The following CNST variants were observed in gnomAD, a reference collection of about 807,000 sequenced individuals.
CNST encodes the protein consortin, connexin sorting protein, also known as consortin.
In CNST, 39 loss-of-function variants were observed where a neutral mutation model predicts 72.4. That is an observed-to-expected ratio of 0.54 (90% CI 0.42 to 0.70). The LOEUF is 0.70. Among genes scored for constraint, CNST ranks in the 30% least tolerant of loss-of-function variants. CNST has a pLI of 0.00. For synonymous variants in CNST, 332 were observed against 320.1 expected (o/e 1.04, Z -0.40); for missense variants, 871 against 868.5 (o/e 1.00, Z -0.04).
intron 2 of CNST, among the ~76,000 whole-genome samples, chr1:246,615,245 G>A (rs1242203017): frequency 2.0e-5 from 3 of 152,060 alleles, no homozygotes; most frequent in Non-Finnish European, 4.4e-5. Flanking sequence ...GCGCGATCTC[G>A]GCTCACTGCA....
In CNST at chr1:246,665,954, A is replaced by G; in HGVS notation, c.*49A>G. 5 of 1,316,032 alleles carry G rather than the reference A, an allele frequency of 3.8e-6. No individual in the cohort carries two copies. The highest frequency in any genetic ancestry group is 5.4e-6 in the Non-Finnish European group (5 of 925,108). 81.5% of individuals were successfully genotyped at this position (1,316,032 alleles called of 1,614,324 possible). ...TGGCAGTGAGAGTGAAAGGCGGGAG[A>G]CTTTCTAAACAGTTTTTCTTTCAGG... On this transcript the variant is annotated 3_prime_UTR_variant, in exon 11 of 11. Transcript: ENST00000366513.
intron 2 of CNST, among the ~76,000 whole-genome samples, chr1:246,619,081 A>T (rs578073856): frequency 6.6e-6 from 1 of 152,092 alleles, no homozygotes; most frequent in East Asian, 1.9e-4. Context: ...GAAGAATAGA[A>T]TTTGGGAAGC....
intron 2 of CNST, among the ~76,000 whole-genome samples, chr1:246,602,155 G>C (rs1167165666): frequency 2.0e-5 from 3 of 152,170 alleles, no homozygotes; most frequent in Non-Finnish European, 2.9e-5. Flanking sequence ...TGTTACAATT[G>C]AAAGTACAAA....
chr1:246,610,504 C>A (rs1445811326), intron 2 of CNST, among the ~76,000 whole-genome samples: 1 of 152,136 alleles, frequency 6.6e-6, no homozygotes, highest in East Asian at 1.9e-4. Context: ...CAGAATGGGC[C>A]ACACTGTACT....
At position 246,622,575 on chromosome 1, in the gene CNST, G is replaced by T. The variant is rs540297900; in HGVS notation, c.585+941G>T. On this transcript the variant is annotated intron_variant, in intron 3 of 10. Coordinates refer to ENST00000366513, the MANE Select transcript of CNST (RefSeq NM_152609.3). The stretch of plus-strand genomic sequence containing the variant: ...TTAAAAGAGGAGGTGAGATTGAATA[G>T]CTGGTGACATTGAGACTTTATTTTT... 2.6e-5 allele frequency among the ~76,000 whole-genome samples: 4 copies of T among 152,290 alleles called. No homozygotes were observed. The East Asian group carries it at 7.7e-4, about 29-fold the overall frequency.
chr1:246,576,686 A>G lies in CNST; in HGVS notation c.-52+10023A>G, dbSNP rs140140050. ...TTTTTGTATTTTTAATAGAGACGGG[A>G]TTTTTCCATATTGGCCAGGTTGGTC... On this transcript the variant is annotated intron_variant, in intron 1 of 10. Transcript: ENST00000366513. Among the ~76,000 whole-genome samples, 73 of 151,398 alleles carry G rather than the reference A, an allele frequency of 4.8e-4. 1 individual carries two copies. Among genetic ancestry groups the G allele is most frequent in the African/African-American group, 1.7e-3 (70 of 41,090 alleles).
chr1:246,616,067 T>A (rs1663668685), intron 2 of CNST, among the ~76,000 whole-genome samples: 1 of 152,188 alleles, frequency 6.6e-6, no homozygotes, highest in African/African-American at 2.4e-5. Flanking sequence ...TATAGGTCAC[T>A]TGGCTTTCAC....
intron 2 of CNST, among the ~76,000 whole-genome samples, chr1:246,620,681 G>T: frequency 7.2e-6 from 1 of 139,472 alleles, no homozygotes; most frequent in Non-Finnish European, 1.6e-5. Flanking sequence ...TGGGCTCTGG[G>T]AACACTACAG....
intron 1 of CNST, among the ~76,000 whole-genome samples, chr1:246,582,438 T>C (rs1415059035): frequency 6.6e-6 from 1 of 151,172 alleles, no homozygotes; most frequent in East Asian, 1.9e-4. Context: ...AACCTCCGCC[T>C]CCCAGGTTCA....
chr1:246,591,051 G>A (rs1229321049), intron 1 of CNST, among the ~76,000 whole-genome samples: 3 of 151,756 alleles, frequency 2.0e-5, no homozygotes, highest in Non-Finnish European at 4.4e-5. Context: ...AAATATTGCT[G>A]CTGTTTAGCC....
chr1:246,627,997 A>G (rs1664549388), intron 3 of CNST, among the ~76,000 whole-genome samples: 1 of 151,774 alleles, frequency 6.6e-6, no homozygotes, highest in African/African-American at 2.4e-5. Flanking sequence ...CTGCAAGCTG[A>G]GGAGCAAGGA....
At chr1:246,635,132 T>A (rs1665106399) in intron 6 of CNST, among the ~76,000 whole-genome samples, 1 of 152,066 alleles carries the variant, frequency 6.6e-6, no homozygotes, top group Admixed American at 6.6e-5. Context: ...TCCTATTTGG[T>A]TATAGAAAAA....
rs1553384186 is a variant in CNST at position 246,645,424 on chromosome 1, C to CTTTTTTTT, written c.938-1701_938-1694dup. On this transcript the variant is annotated intron_variant, in intron 8 of 10. Transcript: ENST00000366513. ...ACATATTAGTATAAAAAGGTTAAAA[C>CTTTTTTTT]TTTTTTTTTTTTTTTTTTTTTGAGA... 8.7e-4 allele frequency among the ~76,000 whole-genome samples: 92 copies of CTTTTTTTT among 106,072 alleles called. 4 individuals carry two copies. The highest frequency in any genetic ancestry group is 2.5e-3 in the African/African-American group (76 of 30,338). 69.6% of individuals were successfully genotyped at this position (106,072 alleles called of 152,430 possible).
intron 6 of CNST, 57 bp from the exon 7 acceptor site, chr1:246,641,692 A>G (rs1234650521): frequency 2.1e-6 from 2 of 949,112 alleles, no homozygotes; most frequent in Non-Finnish European, 3.3e-6. Context: ...ATTTGTTTGG[A>G]AGCATATTGC....
Position 246,647,849 on chromosome 1 carries a change from A to T in CNST, c.1648A>T (p.Ser550Cys). ...LNKETEDYLN[S>C]LLEGCLKDTE... ...CAAAGAAACAGAAGACTATTTGAAC[A>T]GCCTTTTAGAAGGATGTTTAAAAGA... The change falls in exon 9 of 11, where the codon AGC becomes TGC. Residue 550 changes from serine to cysteine, a missense_variant. By Grantham distance (112) the Ser-to-Cys change is moderately radical. Coordinates refer to ENST00000366513, the MANE Select transcript of CNST (RefSeq NM_152609.3). 1 of 1,614,222 alleles carries T rather than the reference A, an allele frequency of 6.2e-7. No homozygotes were observed. The highest frequency in any genetic ancestry group is 2.2e-5 in the East Asian group (1 of 44,888).
intron 1 of CNST, among the ~76,000 whole-genome samples, chr1:246,583,448 GT>G (rs1214497383): frequency 1.3e-5 from 2 of 152,192 alleles, no homozygotes; most frequent in Non-Finnish European, 2.9e-5. Context: ...TTAGGGCAGG[GT>G]TTATAGACAT....
intron 2 of CNST, among the ~76,000 whole-genome samples, chr1:246,613,071 C>G (rs1663441192): frequency 2.0e-5 from 3 of 152,106 alleles, no homozygotes; most frequent in Admixed American, 2.0e-4. Context: ...AAGCATAATA[C>G]AATTAGCTCC....
At chr1:246,633,430 CAGAG>C (rs1484978481) in intron 4 of CNST, among the ~76,000 whole-genome samples, 1 of 145,730 alleles carries the variant, frequency 6.9e-6, no homozygotes, top group African/African-American at 2.6e-5. Flanking sequence ...GCCTCGGTGA[CAGAG>C]GGAGACTGTG....
rs1667402127 is a variant in CNST, at chr1:246,666,672, C to T, written c.*767C>T. ...CAGAAATTAATCACAGGCCTAGAGA[C>T]CAAAGAAAAAGCTCCCCTGAGTCTC... On this transcript the variant is annotated 3_prime_UTR_variant, in exon 11 of 11. Transcript: ENST00000366513. 6.6e-6 allele frequency: 1 copy of T among 152,160 alleles called. No homozygotes were observed. The highest frequency in any genetic ancestry group is 1.5e-5 in the Non-Finnish European group (1 of 68,034). 9.4% of individuals were successfully genotyped at this position (152,160 alleles called of 1,614,324 possible). A position where few individuals can be genotyped will look rare whatever the true frequency, so the allele number is the denominator to read the frequency against.
Sources: gnomAD v4.1 joint callset for allele counts (sites outside exome capture counted in the v4.1 genomes callset) on GRCh38, gnomAD v4.1.1 for gene constraint, MANE v1.5 for transcripts, NCBI Gene and HGNC (gene_info 2026-07-23, HGNC 2026-07-21) for gene names.